The following HMBOX1 variants were observed in gnomAD, a reference collection of about 807,000 sequenced individuals.
HMBOX1 encodes homeobox containing 1.
Under a neutral mutation model 54.5 loss-of-function variants are expected in HMBOX1, and 14 were observed. The ratio of observed to expected loss-of-function variants is 0.26; its 90% CI spans 0.17 to 0.40. The LOEUF is 0.40. Among genes scored for constraint, HMBOX1 ranks in the 10% least tolerant of loss-of-function variants. HMBOX1 has a pLI of 1.00. For synonymous variants in HMBOX1, 160 were observed against 181.0 expected (o/e 0.88, Z 0.93); for missense variants, 332 against 514.4 (o/e 0.65, Z 3.43).
intron 1 of HMBOX1, among the ~76,000 whole-genome samples, chr8:28,959,184 C>G (rs571209675): frequency 2.0e-5 from 3 of 151,658 alleles, no homozygotes; most frequent in Non-Finnish European, 4.4e-5. Context: ...TTTCACTGAA[C>G]GGAAGCACTT....
At chr8:28,991,253 T>C (rs1294703036) in intron 4 of HMBOX1, among the ~76,000 whole-genome samples, 1 of 152,234 alleles carries the variant, frequency 6.6e-6, no homozygotes, top group Non-Finnish European at 1.5e-5. Context: ...TTGCCAGCAC[T>C]TTTCTACATG....
At chr8:29,041,141 A>G (rs989846926) in intron 6 of HMBOX1, among the ~76,000 whole-genome samples, 1 of 152,228 alleles carries the variant, frequency 6.6e-6, no homozygotes, top group African/African-American at 2.4e-5. Flanking sequence ...TATTTCAGAA[A>G]TTCAACAGAG....
intron 1 of HMBOX1, among the ~76,000 whole-genome samples, chr8:28,946,494 C>T (rs551463099): frequency 6.6e-5 from 10 of 151,744 alleles, no homozygotes; most frequent in African/African-American, 1.7e-4. Flanking sequence ...CACTTGAACC[C>T]GGGAGGTGGA....
chr8:28,983,198 G>A (rs1829679280), intron 4 of HMBOX1, among the ~76,000 whole-genome samples: 1 of 152,098 alleles, frequency 6.6e-6, no homozygotes, highest in African/African-American at 2.4e-5. Context: ...TACTCCAAAA[G>A]CTTGCATTCA....
At chr8:28,996,960 C>T (rs757320762) in intron 4 of HMBOX1, among the ~76,000 whole-genome samples, 1 of 152,040 alleles carries the variant, frequency 6.6e-6, no homozygotes, top group Non-Finnish European at 1.5e-5. Context: ...ATTCTGCAAC[C>T]ATGCTGAATT....
intron 1 of HMBOX1, among the ~76,000 whole-genome samples, chr8:28,894,129 T>C (rs1811577501): frequency 6.6e-6 from 1 of 152,216 alleles, no homozygotes; most frequent in South Asian, 2.1e-4. Context: ...ATTTTGTAGC[T>C]CACTTTGCTA....
chr8:28,982,910 CACTGTGCCCAGCCTATCTTCT>C (rs1474317698), intron 4 of HMBOX1, among the ~76,000 whole-genome samples: 1 of 152,160 alleles, frequency 6.6e-6, no homozygotes, highest in Non-Finnish European at 1.5e-5. Flanking sequence ...AGGCATGAGC[CACTGTGCCCAGCCTATCTTCT>C]ACTTTGTGTA....
intron 4 of HMBOX1, among the ~76,000 whole-genome samples, chr8:28,988,407 T>C (rs1287409204): frequency 1.3e-5 from 2 of 152,266 alleles, no homozygotes; most frequent in Non-Finnish European, 2.9e-5. Context: ...GTACAAGTTT[T>C]TGTGTGGGAA....
At chr8:28,909,567 T>A (rs763405960) in intron 1 of HMBOX1, among the ~76,000 whole-genome samples, 1 of 152,188 alleles carries the variant, frequency 6.6e-6, no homozygotes, top group Non-Finnish European at 1.5e-5. Flanking sequence ...AATATACAAA[T>A]GCTATGTAGT....
chr8:28,990,643 TTTTG>T (rs965936710), intron 4 of HMBOX1, among the ~76,000 whole-genome samples: 15 of 152,054 alleles, frequency 9.9e-5, no homozygotes, highest in African/African-American at 3.1e-4. Context: ...TTGTTTTGTT[TTTTG>T]TTTGTTTGTT....
intron 4 of HMBOX1, among the ~76,000 whole-genome samples, chr8:28,998,130 T>C (rs1391198336): frequency 2.6e-5 from 4 of 152,224 alleles, no homozygotes; most frequent in Non-Finnish European, 5.9e-5. Flanking sequence ...TGAGTCAGAT[T>C]CAGTAGTTTT....
At chr8:28,987,107 A>G (rs1420892500) in intron 4 of HMBOX1, among the ~76,000 whole-genome samples, 1 of 152,142 alleles carries the variant, frequency 6.6e-6, no homozygotes, top group East Asian at 1.9e-4. Flanking sequence ...CAGGTATAAA[A>G]TGGCATCTCT....
intron 4 of HMBOX1, among the ~76,000 whole-genome samples, chr8:28,983,545 G>A (rs1829729877): frequency 6.6e-6 from 1 of 152,102 alleles, no homozygotes. Context: ...ATCACCCTGA[G>A]GTGTAGTACT....
intron 1 of HMBOX1, among the ~76,000 whole-genome samples, chr8:28,892,534 C>G (rs902094458): frequency 6.6e-6 from 1 of 152,042 alleles, no homozygotes; most frequent in African/African-American, 2.4e-5. Flanking sequence ...ATATATTCCC[C>G]AAACTTATCA....
At chr8:28,894,653 A>G (rs1370719445) in intron 1 of HMBOX1, among the ~76,000 whole-genome samples, 4 of 152,198 alleles carry the variant, frequency 2.6e-5, no homozygotes, top group African/African-American at 7.2e-5. Flanking sequence ...AGATTTTTCC[A>G]TGGGATTATT....
Position 28,952,409 on chromosome 8 carries a change from T to A in HMBOX1, c.-57-11402T>A, listed in dbSNP as rs143692413. 3.3e-3 allele frequency among the ~76,000 whole-genome samples: 500 copies of A among 152,116 alleles called. 1 individual carries two copies. Among genetic ancestry groups the A allele is most frequent in the African/African-American group, 0.011 (476 of 41,488 alleles). ...CCACCGCTTCCGGCTAATTTTTGTA[T>A]TTTTGTTAAAGACGAGGTTTCACCA... On this transcript the variant is annotated intron_variant, in intron 1 of 9. Transcript: ENST00000287701.
At chr8:29,021,292 G>T (rs1801109438) in intron 6 of HMBOX1, among the ~76,000 whole-genome samples, 1 of 151,884 alleles carries the variant, frequency 6.6e-6, no homozygotes, top group South Asian at 2.1e-4. Flanking sequence ...AAACATGAGT[G>T]GTCCCTTCAT....
At chr8:28,900,271 A>ATATATATATATATATATAT (rs1554519262) in intron 1 of HMBOX1, among the ~76,000 whole-genome samples, 4 of 70,330 alleles carry the variant, frequency 5.7e-5, no homozygotes, top group Admixed American at 2.2e-4. Flanking sequence ...AAAAAAAAAA[A>ATATATATATATATATATAT]ATATATATAT....
chr8:28,959,219 A>T (rs1331716106), intron 1 of HMBOX1, among the ~76,000 whole-genome samples: 1 of 151,960 alleles, frequency 6.6e-6, no homozygotes, highest in Non-Finnish European at 1.5e-5. Flanking sequence ...GTGTATTGAA[A>T]TTGCCAGCAT....
Sources: allele counts gnomAD v4.1 joint callset (sites outside exome capture counted in the v4.1 genomes callset), GRCh38; gene constraint gnomAD v4.1.1; transcripts MANE v1.5; gene names NCBI Gene and HGNC (gene_info 2026-07-23, HGNC 2026-07-21).